Variants in CCDC3 observed in about 807,000 individuals in gnomAD.
CCDC3 encodes the protein coiled-coil domain containing 3.
Under a neutral mutation model 21.4 loss-of-function variants are expected in CCDC3, and 24 were observed. The observed-to-expected ratio is 1.12, with a 90% CI of 0.81 to 1.58. CCDC3 has a LOEUF of 1.58. CCDC3 is among the 40% of genes most tolerant of loss of function. CCDC3 has a pLI of 0.00. For synonymous variants in CCDC3, 186 were observed against 166.0 expected, an observed-to-expected ratio of 1.12 and a Z score of -0.93; for missense variants, 425 against 360.9, an observed-to-expected ratio of 1.18 and a Z score of -1.44.
At chr10:13,090,475 C>G (rs563376791) in intron 3 of CCDC3, among the ~76,000 whole-genome samples, 74 of 152,116 alleles carry the variant, frequency 4.9e-4, no homozygotes, top group Non-Finnish European at 7.8e-4. Flanking sequence ...GAATTCAGCC[C>G]TTTTAGAGGA....
intron 3 of CCDC3, among the ~76,000 whole-genome samples, chr10:13,085,540 A>T (rs1278789715): frequency 6.6e-6 from 1 of 152,208 alleles, no homozygotes; most frequent in Non-Finnish European, 1.5e-5. Flanking sequence ...GGGGCTTTGT[A>T]ATGCATATCA....
Position 12,898,245 on chromosome 10 carries a change from C to A in CCDC3, c.*171G>T. The A allele has an allele frequency of 1.3e-6, 1 of 797,742 alleles. No individual in the cohort carries two copies. Among genetic ancestry groups the A allele is most frequent in the Non-Finnish European group, 1.9e-6 (1 of 517,490 alleles). 49.4% of individuals were successfully genotyped at this position (797,742 alleles called of 1,614,324 possible). A position where few individuals can be genotyped will look rare whatever the true frequency, so the allele number is the denominator to read the frequency against. On this transcript the variant is annotated 3_prime_UTR_variant, in exon 3 of 3. Transcript: ENST00000378825. ...CAGCGCGTGGGGTCTGACATTGAGG[C>A]CAGCACCCAAGGGGAAAGCAAGCCT...
In CCDC3 at chr10:12,983,187, C is replaced by G. The variant is rs114322369; in HGVS notation, c.549+15151G>C. ...ATATATATATATAAAATCTATAGCT[C>G]TAAAGGTTTTGGGGTAGAATTAAAA... On this transcript the variant is annotated intron_variant, in intron 2 of 2. Transcript: ENST00000378825. Among the ~76,000 whole-genome samples, 114 of 137,050 alleles carry G rather than the reference C, an allele frequency of 8.3e-4. 1 individual carries two copies. The highest frequency in any genetic ancestry group is 3.0e-3 in the African/African-American group (111 of 37,322). 89.9% of individuals were successfully genotyped at this position (137,050 alleles called of 152,430 possible).
chr10:13,080,134 G>T (rs772945799), intron 3 of CCDC3, among the ~76,000 whole-genome samples: 3 of 152,148 alleles, frequency 2.0e-5, no homozygotes, highest in African/African-American at 7.2e-5. Context: ...GACTGCAGCC[G>T]CATGGATCCC....
At chr10:12,899,511 G>C (rs1449895354) in intron 2 of CCDC3, among the ~76,000 whole-genome samples, 2 of 152,036 alleles carry the variant, frequency 1.3e-5, no homozygotes, top group Non-Finnish European at 1.5e-5. Flanking sequence ...CAAACATTAT[G>C]GCATTATTAT....
Position 12,898,560 on chromosome 10 carries a change from C to T in CCDC3, c.669G>A (p.Lys223=). 1 of 1,614,156 alleles carries T rather than the reference C, an allele frequency of 6.2e-7. No individual in the cohort carries two copies. Among genetic ancestry groups the T allele is most frequent in the South Asian group, 1.1e-5 (1 of 91,084 alleles). ...RNRQLRERVK[K]VKRSLRQARK... is the part of the protein sequence containing the mutation. ...GCGCCTGCCGCAAGGACCTCTTGAC[C>T]TTCTTCACTCGCTCCCGGAGCTGCC... The change falls in exon 3 of 3, where the codon AAG becomes AAA. Residue 223 remains lysine (K), a synonymous_variant. Coordinates refer to ENST00000378825, the MANE Select transcript of CCDC3 (RefSeq NM_031455.4).
At chr10:13,015,511 T>A (rs1014977408) in intron 5 of CCDC3, among the ~76,000 whole-genome samples, 2 of 152,030 alleles carry the variant, frequency 1.3e-5, no homozygotes, top group East Asian at 1.9e-4. Flanking sequence ...GGATGCCACA[T>A]GTTTCACTCA....
chr10:12,944,995 C>T (rs1009100968), intron 2 of CCDC3, among the ~76,000 whole-genome samples: 3 of 152,090 alleles, frequency 2.0e-5, no homozygotes, highest in East Asian at 1.9e-4. Context: ...TCAGGCCTAG[C>T]CAAAAATTCT....
chr10:12,951,751 G>T (rs1052685501), intron 2 of CCDC3, among the ~76,000 whole-genome samples: 1 of 124,032 alleles, frequency 8.1e-6, no homozygotes, highest in Non-Finnish European at 1.6e-5. Context: ...GTTGCAGTAA[G>T]CTGAGACTGA....
At chr10:13,009,136 G>C (rs1835957282) in intron 5 of CCDC3, among the ~76,000 whole-genome samples, 1 of 152,020 alleles carries the variant, frequency 6.6e-6, no homozygotes, top group African/African-American at 2.4e-5. Context: ...ACAACAATTG[G>C]AAATTGACAT....
chr10:13,032,121 C>T (rs563401279), intron 5 of CCDC3, among the ~76,000 whole-genome samples: 1 of 152,208 alleles, frequency 6.6e-6, no homozygotes, highest in South Asian at 2.1e-4. Context: ...AACCCAGCAG[C>T]ACATCAAAAA....
intron 5 of CCDC3, among the ~76,000 whole-genome samples, chr10:13,016,295 G>A (rs1282926611): frequency 1.6e-5 from 2 of 126,140 alleles, no homozygotes; most frequent in African/African-American, 6.0e-5. Flanking sequence ...TTGAGCTCAA[G>A]ATTTTCTTTT....
chr10:12,909,910 G>A (rs1463781408), intron 2 of CCDC3, among the ~76,000 whole-genome samples: 1 of 152,246 alleles, frequency 6.6e-6, no homozygotes, highest in African/African-American at 2.4e-5. Context: ...TGAAAGGCCA[G>A]GCTCCACCTT....
chr10:12,939,623 CG>C lies in CCDC3; in HGVS notation c.550-40945del. On this transcript the variant is annotated intron_variant, in intron 2 of 2. Transcript: ENST00000378825. ...GGTAGTATTCAACAGATGGTAGGAG[CG>C]GATCAATTCTGTCCAGATGAGATAC... is the stretch of plus-strand genomic sequence containing the variant. 7.6e-4 allele frequency among the ~76,000 whole-genome samples: 4 copies of C among 5,280 alleles called. No individual in the cohort carries two copies. In the South Asian group the frequency reaches 0.077, roughly 102 times the overall value. The allele number at this position is 5,280 out of a possible 152,430, so 3.5% of individuals were successfully genotyped here. A position where few individuals can be genotyped will look rare whatever the true frequency, so the allele number is the denominator to read the frequency against.
At chr10:12,957,843 CT>C (rs1413245040) in intron 2 of CCDC3, among the ~76,000 whole-genome samples, 24 of 152,078 alleles carry the variant, frequency 1.6e-4, no homozygotes, top group Admixed American at 2.6e-4. Flanking sequence ...CTTTTCTTGT[CT>C]TTTTTGTTAA....
At chr10:12,911,558 A>C (rs886413928) in intron 2 of CCDC3, among the ~76,000 whole-genome samples, 21 of 140,682 alleles carry the variant, frequency 1.5e-4, no homozygotes, top group Non-Finnish European at 3.1e-4. Flanking sequence ...CATTTTAAAA[A>C]TATTTAAATT....
rs533813340 is a variant in CCDC3 at position 12,898,183 on chromosome 10, T to A, written c.*233A>T. ...CTCAGGGATCCCACTGCCTCTGGAC[T>A]GCCAGGCACTGCGTCTGGGGTCAGG... is the stretch of plus-strand genomic sequence containing the variant. On this transcript the variant is annotated 3_prime_UTR_variant, in exon 3 of 3. Coordinates refer to ENST00000378825, the MANE Select transcript of CCDC3 (RefSeq NM_031455.4). 1.8e-6 allele frequency: 1 copy of A among 559,676 alleles called. No individual in the cohort carries two copies. The highest frequency in any genetic ancestry group is 1.9e-5 in the African/African-American group (1 of 53,470). The allele number at this position is 559,676 out of a possible 1,614,324, so 34.7% of individuals were successfully genotyped here.
chr10:13,049,979 C>A (rs376989536), intron 4 of CCDC3: 157 of 152,298 alleles, frequency 1.0e-3, no homozygotes, highest in African/African-American at 3.6e-3. Context: ...AAGTGTTGCT[C>A]AAGGGTGCTT....
At chr10:12,923,508 T>G (rs1007406444) in intron 2 of CCDC3, among the ~76,000 whole-genome samples, 2 of 151,776 alleles carry the variant, frequency 1.3e-5, no homozygotes, top group African/African-American at 4.8e-5. Context: ...CTGGGTCCCC[T>G]GACTGCCTGA....
Sources: allele counts gnomAD v4.1 joint callset (sites outside exome capture counted in the v4.1 genomes callset), GRCh38; gene constraint gnomAD v4.1.1; transcripts MANE v1.5; gene names NCBI Gene and HGNC (gene_info 2026-07-23, HGNC 2026-07-21).